The following LPP variants were observed in gnomAD, a reference collection of about 807,000 sequenced individuals.
LPP encodes LIM domain containing preferred translocation partner in lipoma, also known as lipoma-preferred partner.
LPP carries 38 observed loss-of-function variants against 60.4 expected under a neutral mutation model. That is an observed-to-expected ratio of 0.63 (90% confidence interval 0.49 to 0.83). LPP has a LOEUF of 0.83. Among genes scored for constraint, LPP ranks in the 40% least tolerant of loss-of-function variants. The pLI, the probability that LPP is intolerant of heterozygous loss-of-function variation, is 0.00. For synonymous variants in LPP, 328 were observed against 290.8 expected, an observed-to-expected ratio of 1.13 and a Z score of -1.30; for missense variants, 902 against 783.6, an observed-to-expected ratio of 1.15 and a Z score of -1.80.
intron 1 of LPP, among the ~76,000 whole-genome samples, chr3:188,175,311 A>G (rs1458095610): frequency 1.3e-5 from 2 of 151,930 alleles, no homozygotes; most frequent in African/African-American, 4.8e-5. Context: ...CTGGTGTGAA[A>G]CCCCTGACCT....
chr3:188,296,622 A>C (rs1270337861), intron 2 of LPP, among the ~76,000 whole-genome samples: 1 of 152,200 alleles, frequency 6.6e-6, no homozygotes. Context: ...CCAGTTGAAA[A>C]TAATGGAGTC....
chr3:188,328,936 G>T (rs193250226), intron 2 of LPP, among the ~76,000 whole-genome samples: 1 of 152,110 alleles, frequency 6.6e-6, no homozygotes, highest in Admixed American at 6.6e-5. Context: ...AGTGAAACTG[G>T]CTCCCTGTCC....
rs5855188 is a variant in LPP at position 188,340,396 on chromosome 3, CTTTTTTTTTT to C, written c.-66-1256_-66-1247del. Among the ~76,000 whole-genome samples, 230 of 116,634 alleles carry C rather than the reference CTTTTTTTTTT, an allele frequency of 2.0e-3. 2 individuals carry two copies. Among genetic ancestry groups the C allele is most frequent in the African/African-American group, 6.8e-3 (213 of 31,266 alleles). 76.5% of individuals were successfully genotyped at this position (116,634 alleles called of 152,430 possible). A position where few individuals can be genotyped will look rare whatever the true frequency, so the allele number is the denominator to read the frequency against. ...TGCAGGGCATCTGATCAATCATGCT[CTTTTTTTTTT>C]TTTTTTTTTTGAAACTTTTATTTTA... On this transcript the variant is annotated intron_variant, in intron 2 of 11. Coordinates refer to ENST00000617246, the MANE Select transcript of LPP (RefSeq NM_001375462.1).
intron 1 of LPP, among the ~76,000 whole-genome samples, chr3:188,161,457 G>T (rs141665999): frequency 2.4e-3 from 358 of 152,284 alleles, no homozygotes; most frequent in African/African-American, 8.2e-3. Context: ...CTGGGGAAAA[G>T]AATTTTTTTA....
chr3:188,346,092 G>A (rs1164086804), intron 3 of LPP, among the ~76,000 whole-genome samples: 4 of 151,996 alleles, frequency 2.6e-5, no homozygotes, highest in Admixed American at 2.0e-4. Context: ...TGAATTCAGA[G>A]CCCCTTTTTC....
intron 4 of LPP, among the ~76,000 whole-genome samples, chr3:188,414,116 A>G (rs745899846): frequency 1.3e-5 from 2 of 152,150 alleles, no homozygotes; most frequent in East Asian, 1.9e-4. Flanking sequence ...TTTTCTTGCT[A>G]TAATAAAAAT....
At chr3:188,431,264 C>A (rs948546833) in intron 4 of LPP, among the ~76,000 whole-genome samples, 1 of 152,024 alleles carries the variant, frequency 6.6e-6, no homozygotes, top group Non-Finnish European at 1.5e-5. Flanking sequence ...TGGTCATAGA[C>A]CAGTGCCTTA....
intron 1 of LPP, among the ~76,000 whole-genome samples, chr3:188,173,300 A>G (rs1722106548): frequency 6.6e-6 from 1 of 152,154 alleles, no homozygotes; most frequent in East Asian, 1.9e-4. Context: ...CAGGAGTTCG[A>G]GGCCAGCGTG....
At position 188,884,516 on chromosome 3, in the gene LPP, T is replaced by C. The variant is rs1770439728; in HGVS notation, c.*10037T>C. On this transcript the variant is annotated 3_prime_UTR_variant, in exon 12 of 12. Transcript: ENST00000617246. ...TGTCTGATCAGCACTGTGAGGAAGT[T>C]GGTGGGAAAAGGCCACTGATAAGAA... 4.4e-6 allele frequency: 1 copy of C among 229,400 alleles called. No homozygotes were observed. The highest frequency in any genetic ancestry group is 1.8e-4 in the South Asian group (1 of 5,500). The allele number at this position is 229,400 out of a possible 1,614,324, so 14.2% of individuals were successfully genotyped here.
At chr3:188,333,616 T>C (rs747573109) in intron 2 of LPP, among the ~76,000 whole-genome samples, 1 of 152,224 alleles carries the variant, frequency 6.6e-6, no homozygotes, top group Non-Finnish European at 1.5e-5. Context: ...CCCCAAACTT[T>C]CTGAGATAGC....
chr3:188,484,065 G>A (rs1038666517), intron 4 of LPP, among the ~76,000 whole-genome samples: 6 of 151,590 alleles, frequency 4.0e-5, no homozygotes, highest in South Asian at 2.1e-4. Flanking sequence ...CTTTCTGATC[G>A]CCATGCCTAC....
chr3:188,796,650 C>G (rs1046283234), intron 9 of LPP, among the ~76,000 whole-genome samples: 1 of 152,080 alleles, frequency 6.6e-6, no homozygotes, highest in African/African-American at 2.4e-5. Flanking sequence ...AGAACATGAC[C>G]CGAAGAGTGA....
At position 188,881,052 on chromosome 3, in the gene LPP, A is replaced by T. The variant is rs1051561247; in HGVS notation, c.*6573A>T. 1.9e-5 allele frequency: 3 copies of T among 158,314 alleles called. No individual in the cohort carries two copies. The highest frequency in any genetic ancestry group is 7.3e-5 in the African/African-American group (3 of 40,930). The allele number at this position is 158,314 out of a possible 1,614,324, so 9.8% of individuals were successfully genotyped here. On this transcript the variant is annotated 3_prime_UTR_variant, in exon 12 of 12. Coordinates refer to ENST00000617246, the MANE Select transcript of LPP (RefSeq NM_001375462.1). The stretch of plus-strand genomic sequence containing the variant: ...CTACTCAGGAGGCTGAGGCAGGAGA[A>T]TGGCGTGAACCCGGGAAGCGGAGCT...
At chr3:188,525,960 C>A (rs1820465424) in intron 6 of LPP, among the ~76,000 whole-genome samples, 1 of 152,198 alleles carries the variant, frequency 6.6e-6, no homozygotes, top group Non-Finnish European at 1.5e-5. Context: ...AGAAGCTGAT[C>A]TTCCACTGCT....
At chr3:188,766,250 C>T (rs1734079785) in intron 9 of LPP, among the ~76,000 whole-genome samples, 1 of 151,806 alleles carries the variant, frequency 6.6e-6, no homozygotes, top group Admixed American at 6.6e-5. Context: ...TAGCCTTTTC[C>T]CAGAAAATTT....
At chr3:188,351,660 G>A (rs1378523434) in intron 3 of LPP, among the ~76,000 whole-genome samples, 1 of 152,172 alleles carries the variant, frequency 6.6e-6, no homozygotes, top group African/African-American at 2.4e-5. Flanking sequence ...GAGACAGATT[G>A]TTTCTAAATA....
Position 188,407,768 on chromosome 3 carries a change from G to GTTTTTTGTTT in LPP, c.193+1461_193+1462insGTTTTTTTTT, listed in dbSNP as rs1280628245. 2.4e-4 allele frequency among the ~76,000 whole-genome samples: 15 copies of GTTTTTTGTTT among 61,294 alleles called. 1 individual carries two copies. In the East Asian group the frequency reaches 2.5e-3, roughly 10 times the overall value. The allele number at this position is 61,294 out of a possible 152,430, so 40.2% of individuals were successfully genotyped here. A position where few individuals can be genotyped will look rare whatever the true frequency, so the allele number is the denominator to read the frequency against. On this transcript the variant is annotated intron_variant, in intron 4 of 11. Coordinates refer to ENST00000617246, the MANE Select transcript of LPP (RefSeq NM_001375462.1). Reference sequence around the variant, plus strand: ...CCATATGTTGGCTTCCTCATTTATGGTTTTTTTTTTTGTTTGTTTGTTTTT... The same window carrying GTTTTTTGTTT: ...CCATATGTTGGCTTCCTCATTTATGGTTTTTTGTTTTTTTTTTTTTTGTTTGTTTGTTTTT...
chr3:188,612,344 G>A (rs1157229885), intron 7 of LPP, among the ~76,000 whole-genome samples: 1 of 152,096 alleles, frequency 6.6e-6, no homozygotes, highest in Non-Finnish European at 1.5e-5. Flanking sequence ...TTCACAGTTG[G>A]CCTTTGAGCA....
intron 5 of LPP, among the ~76,000 whole-genome samples, chr3:188,486,089 A>C (rs547127629): frequency 2.6e-4 from 40 of 152,218 alleles, no homozygotes; most frequent in African/African-American, 8.9e-4. Context: ...TATGGCATAC[A>C]TGAGATATTT....
Sources: allele counts gnomAD v4.1 joint callset (sites outside exome capture counted in the v4.1 genomes callset), GRCh38; gene constraint gnomAD v4.1.1; transcripts MANE v1.5; gene names NCBI Gene and HGNC (gene_info 2026-07-23, HGNC 2026-07-21).